The following RBBP9 variants were observed in gnomAD, a reference collection of about 807,000 sequenced individuals.
The protein encoded by RBBP9 is serine hydrolase RBBP9.
A neutral mutation model predicts 24.2 loss-of-function variants in RBBP9; 20 were observed. The observed-to-expected ratio is 0.83, with a 90% CI of 0.58 to 1.20. The LOEUF (loss-of-function observed/expected upper bound fraction) is 1.20, where lower values mean the gene tolerates loss of function less well. RBBP9 is among the 50% of genes most tolerant of loss of function. The pLI is 0.00. For synonymous variants in RBBP9, 74 were observed against 84.6 expected (o/e 0.87, Z 0.69); for missense variants, 234 against 233.6 (o/e 1.00, Z -0.01).
At chr20:18,490,323 G>C in intron 4 of RBBP9, 72 bp downstream of exon 4, 1 of 1,247,008 alleles carries the variant, frequency 8.0e-7, no homozygotes, top group Non-Finnish European at 1.2e-6. Flanking sequence ...AGACAGCACT[G>C]TTTTTACAAC....
rs953945602 is a variant in RBBP9, at chr20:18,490,318, G to C, written c.334+77C>G. 3 of 1,134,790 alleles carry C rather than the reference G, an allele frequency of 2.6e-6. No homozygotes were observed. The South Asian group carries it at 3.8e-5, about 14-fold the overall frequency. 70.3% of individuals were successfully genotyped at this position (1,134,790 alleles called of 1,614,324 possible). A position where few individuals can be genotyped will look rare whatever the true frequency, so the allele number is the denominator to read the frequency against. On this transcript the variant is annotated intron_variant, in intron 4 of 4. Transcript: ENST00000337227. ...AATTTTTTAGCCTATCTGAAAGACA[G>C]CACTGTTTTTACAACCTAAACAGAC... is the stretch of plus-strand genomic sequence containing the variant.
chr20:18,491,103 C>T (rs1179302057), intron 3 of RBBP9, among the ~76,000 whole-genome samples: 1 of 152,238 alleles, frequency 6.6e-6, no homozygotes, highest in African/African-American at 2.4e-5. Context: ...GATTCTCAGG[C>T]TCAGACCCAG....
chr20:18,493,011 G>T (rs1158990697), intron 3 of RBBP9, among the ~76,000 whole-genome samples: 1 of 152,150 alleles, frequency 6.6e-6, no homozygotes, highest in African/African-American at 2.4e-5. Context: ...TGGCTGAAAG[G>T]TTATGAAATT....
intron 1 of RBBP9, among the ~76,000 whole-genome samples, 188 bp from the exon 2 acceptor site, chr20:18,496,068 C>G (rs940301494): frequency 6.6e-6 from 1 of 152,250 alleles, no homozygotes; most frequent in Non-Finnish European, 1.5e-5. Context: ...CTAGGCAGCT[C>G]TGCTGATCTC....
In RBBP9 at chr20:18,497,205, G is replaced by C; in HGVS notation, c.-38C>G. 1 of 1,540,884 alleles carries C rather than the reference G, an allele frequency of 6.5e-7. No homozygotes were observed. The highest frequency in any genetic ancestry group is 1.7e-4 in the Middle Eastern group (1 of 5,934). The stretch of plus-strand genomic sequence containing the variant: ...GCCAGAGTTCCCCAGCGCGGGTCCA[G>C]CGGAGCTGAGCCCAGCCTGCTCCCG... On this transcript the variant is annotated 5_prime_UTR_variant, in exon 1 of 5. Coordinates refer to ENST00000337227, the MANE Select transcript of RBBP9 (RefSeq NM_006606.3).
At chr20:18,497,014 C>A in intron 1 of RBBP9, 55 bp downstream of exon 1, 1 of 1,479,338 alleles carries the variant, frequency 6.8e-7, no homozygotes, top group Non-Finnish European at 9.4e-7. Flanking sequence ...TCAGTCCTCT[C>A]CCGCCGTCCC....
Position 18,489,724 on chromosome 20 carries a change from A to G in RBBP9, c.*40T>C, listed in dbSNP as rs2059857132. 1 of 1,324,382 alleles carries G rather than the reference A, an allele frequency of 7.6e-7. No homozygotes were observed. The highest frequency in any genetic ancestry group is 1.1e-6 in the Non-Finnish European group (1 of 923,394). 82.0% of individuals were successfully genotyped at this position (1,324,382 alleles called of 1,614,324 possible). On this transcript the variant is annotated 3_prime_UTR_variant, in exon 5 of 5. Transcript: ENST00000337227. ...ATCAGCTGATAGTAGATATTATTCT[A>G]CTCCTATATTGGGATGCAAAATAGC...
chr20:18,495,896 G>A lies in RBBP9; in HGVS notation c.100-16C>T, dbSNP rs745334371. The A allele has an allele frequency of 4.0e-6, 6 of 1,516,566 alleles. No homozygotes were observed. The highest frequency in any genetic ancestry group is 3.6e-6 in the Non-Finnish European group (4 of 1,112,958). 93.9% of individuals were successfully genotyped at this position (1,516,566 alleles called of 1,614,324 possible). ...AACCAGGTATCTATGATATGAGGGG[G>A]GAGAAAAAGCTATAATAAAGAGCTT... On this transcript the variant is annotated splice_polypyrimidine_tract_variant and intron_variant, in intron 1 of 4. Transcript: ENST00000337227.
chr20:18,490,682 CTT>C (rs398061351), intron 3 of RBBP9, among the ~76,000 whole-genome samples: 23 of 139,106 alleles, frequency 1.7e-4, no homozygotes, highest in Admixed American at 1.4e-4. Context: ...ACTCATTTTT[CTT>C]TTTTTTTTTT....
rs556227963 is a variant in RBBP9, at chr20:18,490,959, G to A, written c.249-479C>T. Among the ~76,000 whole-genome samples the A allele has an allele frequency of 9.9e-5, 15 of 152,058 alleles. 1 individual carries two copies. In the East Asian group the frequency reaches 2.9e-3, roughly 29 times the overall value. ...CTCCTAAAGTGCTGGGATTACAGGC[G>A]TGAGCCACCACGCCCAGCCACTACC... is the stretch of plus-strand genomic sequence containing the variant. On this transcript the variant is annotated intron_variant, in intron 3 of 4. Transcript: ENST00000337227.
rs775506922 is a variant in RBBP9 at position 18,494,080 on chromosome 20, A to G, written c.143-17T>C. The G allele has an allele frequency of 1.3e-5, 21 of 1,602,410 alleles. No homozygotes were observed. The highest frequency in any genetic ancestry group is 1.6e-5 in the Non-Finnish European group (19 of 1,170,756). On this transcript the variant is annotated splice_polypyrimidine_tract_variant and intron_variant, in intron 2 of 4. Transcript: ENST00000337227. Reference sequence around the variant, plus strand: ...GTGCTGTAACTTAAGGTTCAGGGTAAAGAAAAAGTCTGTCATTTGATAGTG... The same window carrying G: ...GTGCTGTAACTTAAGGTTCAGGGTAGAGAAAAAGTCTGTCATTTGATAGTG...
chr20:18,492,757 A>G (rs1165513856), intron 3 of RBBP9, among the ~76,000 whole-genome samples: 1 of 152,198 alleles, frequency 6.6e-6, no homozygotes, highest in East Asian at 1.9e-4. Flanking sequence ...TAACTTTAGA[A>G]GTCAATTCTT....
chr20:18,492,753 T>C (rs2059870643), intron 3 of RBBP9, among the ~76,000 whole-genome samples: 1 of 152,216 alleles, frequency 6.6e-6, no homozygotes, highest in South Asian at 2.1e-4. Flanking sequence ...CCCTTAACTT[T>C]AGAAGTCAAT....
rs897742472 is a variant in RBBP9 at position 18,488,007 on chromosome 20, A to G, written c.*1757T>C. ...TACCTACCAAAATGCCCATTCCCCA[A>G]AGATGATTGCTGTTGAACGATTAGG... On this transcript the variant is annotated 3_prime_UTR_variant, in exon 5 of 5. Coordinates refer to ENST00000337227, the MANE Select transcript of RBBP9 (RefSeq NM_006606.3). The G allele has an allele frequency of 6.6e-6, 1 of 152,176 alleles. No homozygotes were observed. Among genetic ancestry groups the G allele is most frequent in the African/African-American group, 2.4e-5 (1 of 41,446 alleles). The allele number at this position is 152,176 out of a possible 1,614,324, so 9.4% of individuals were successfully genotyped here. A position where few individuals can be genotyped will look rare whatever the true frequency, so the allele number is the denominator to read the frequency against.
chr20:18,496,981 G>C (rs2059888913), intron 1 of RBBP9, 88 bp downstream of exon 1: 1 of 1,043,454 alleles, frequency 9.6e-7, no homozygotes, highest in Admixed American at 1.9e-5. Flanking sequence ...GAGGGGATTA[G>C]ACGCCTATTC....
In RBBP9 at chr20:18,489,357, C is replaced by A. The variant is rs78405500; in HGVS notation, c.*407G>T. 547 of 155,736 alleles carry A rather than the reference C, an allele frequency of 3.5e-3. 14 individuals carry two copies. The highest frequency in any genetic ancestry group is 0.031 in the Admixed American group (481 of 15,532). 9.6% of individuals were successfully genotyped at this position (155,736 alleles called of 1,614,324 possible). On this transcript the variant is annotated 3_prime_UTR_variant, in exon 5 of 5. Transcript: ENST00000337227. ...GCTCTAAGCTAACACTCTGGACTTT[C>A]AGTCATGTTTTCTTTCCCCAGTGAA...
At chr20:18,495,316 G>T (rs1404981799) in intron 2 of RBBP9, among the ~76,000 whole-genome samples, 1 of 145,552 alleles carries the variant, frequency 6.9e-6, no homozygotes, top group African/African-American at 2.6e-5. Context: ...TGAAACATGT[G>T]CTGTGTCCAC....
intron 3 of RBBP9, among the ~76,000 whole-genome samples, chr20:18,491,804 A>G (rs1035265783): frequency 7.9e-5 from 12 of 152,176 alleles, no homozygotes; most frequent in Non-Finnish European, 1.8e-4. Context: ...CGTTGAAAGA[A>G]CAAGCACCTA....
intron 3 of RBBP9, among the ~76,000 whole-genome samples, chr20:18,491,886 C>T (rs1241303934): frequency 1.3e-5 from 2 of 151,978 alleles, no homozygotes; most frequent in African/African-American, 4.8e-5. Flanking sequence ...CACCTGAGGT[C>T]AGGAGTTCAA....
Sources: allele counts gnomAD v4.1 joint callset (sites outside exome capture counted in the v4.1 genomes callset), GRCh38; gene constraint gnomAD v4.1.1; transcripts MANE v1.5; gene names NCBI Gene and HGNC (gene_info 2026-07-23, HGNC 2026-07-21).